Variants in CRACR2A observed in about 807,000 individuals in gnomAD.
CRACR2A encodes EF-hand calcium-binding domain-containing protein 4B.
A neutral mutation model predicts 90.5 loss-of-function variants in CRACR2A; 79 were observed. The observed-to-expected ratio is 0.87, with a 90% CI of 0.73 to 1.05. CRACR2A has a LOEUF of 1.05. Ranked by LOEUF, CRACR2A falls within the 50% of genes least tolerant of loss-of-function variation. CRACR2A has a pLI of 0.00. For synonymous variants in CRACR2A, 338 were observed against 356.7 expected (o/e 0.95, Z 0.59); for missense variants, 823 against 897.2 (o/e 0.92, Z 1.06).
intron 17 of CRACR2A, 140 bp downstream of exon 17, chr12:3,627,296 T>C (rs1397425666): frequency 6.1e-6 from 4 of 655,830 alleles, no homozygotes; most frequent in South Asian, 3.8e-5. Flanking sequence ...GAGGAACACA[T>C]GCCTGCATCA....
At chr12:3,728,198 C>A (rs1480752808) in intron 2 of CRACR2A, 1 of 152,198 alleles carries the variant, frequency 6.6e-6, no homozygotes, top group East Asian at 1.9e-4. Context: ...GGCAACGGAT[C>A]CCCAGAAGTC....
intron 2 of CRACR2A, among the ~76,000 whole-genome samples, chr12:3,717,049 C>T (rs1430108588): frequency 6.6e-6 from 1 of 152,078 alleles, no homozygotes; most frequent in Non-Finnish European, 1.5e-5. Flanking sequence ...GGGGAGAGGA[C>T]AGGAGCTGAC....
intron 4 of CRACR2A, among the ~76,000 whole-genome samples, chr12:3,685,719 G>C (rs373089861): frequency 6.6e-6 from 1 of 152,182 alleles, no homozygotes; most frequent in Admixed American, 6.5e-5. Context: ...TGGTTGCCAG[G>C]GGCTGGGAGT....
intron 4 of CRACR2A, among the ~76,000 whole-genome samples, chr12:3,694,926 G>A (rs1945713314): frequency 6.6e-6 from 1 of 152,206 alleles, no homozygotes. Flanking sequence ...CTCCTGCCTG[G>A]ATCAGGAGTG....
chr12:3,678,656 T>G (rs1945381945), intron 6 of CRACR2A, among the ~76,000 whole-genome samples: 1 of 149,128 alleles, frequency 6.7e-6, no homozygotes, highest in African/African-American at 2.5e-5. Flanking sequence ...GTGAGGAAGG[T>G]AGAGGGGGTG....
intron 2 of CRACR2A, chr12:3,732,700 G>C (rs1299300932): frequency 6.6e-6 from 1 of 152,226 alleles, no homozygotes; most frequent in Non-Finnish European, 1.5e-5. Flanking sequence ...CCTGTGGGAT[G>C]TTGAGCCTAT....
intron 7 of CRACR2A, among the ~76,000 whole-genome samples, chr12:3,665,148 T>C (rs1945107650): frequency 6.6e-6 from 1 of 152,054 alleles, no homozygotes; most frequent in Admixed American, 6.5e-5. Flanking sequence ...GAAAGAAGAG[T>C]GAGGGCAAGA....
intron 3 of CRACR2A, among the ~76,000 whole-genome samples, chr12:3,705,026 A>T (rs1161121800): frequency 7.2e-5 from 11 of 152,218 alleles, no homozygotes; most frequent in Non-Finnish European, 1.3e-4. Context: ...TCCCATTTGG[A>T]TGAAGCCCAA....
Position 3,711,833 on chromosome 12 carries a change from G to A in CRACR2A, c.-37+1404C>T, listed in dbSNP as rs1946010016. ...GTATTAGTTAGAGTTTAACATACAA[G>A]ATGCTATACTGAGGTGGAATAAAAG... On this transcript the variant is annotated intron_variant, in intron 3 of 19. Coordinates refer to ENST00000440314, the MANE Select transcript of CRACR2A (RefSeq NM_001144958.2). The surrounding 1 kb of genome is among the most constrained non-coding windows in gnomAD (Gnocchi z 4.3). Among the ~76,000 whole-genome samples the A allele has an allele frequency of 6.6e-6, 1 of 152,134 alleles. No homozygotes were observed. The highest frequency in any genetic ancestry group is 2.4e-5 in the African/African-American group (1 of 41,416).
intron 10 of CRACR2A, among the ~76,000 whole-genome samples, chr12:3,652,956 G>A (rs1054921402): frequency 1.3e-5 from 2 of 152,026 alleles, no homozygotes; most frequent in Non-Finnish European, 2.9e-5. Flanking sequence ...TTTCCTCCTC[G>A]ATAATAGCAG....
intron 10 of CRACR2A, among the ~76,000 whole-genome samples, chr12:3,652,846 A>G (rs1289113637): frequency 6.6e-6 from 1 of 152,232 alleles, no homozygotes; most frequent in Non-Finnish European, 1.5e-5. Flanking sequence ...CAACTCTTGT[A>G]AGAATATTTT....
At chr12:3,667,987 C>A (rs1267725475) in intron 7 of CRACR2A, among the ~76,000 whole-genome samples, 1 of 152,232 alleles carries the variant, frequency 6.6e-6, no homozygotes, top group Non-Finnish European at 1.5e-5. Context: ...TTAGATTCTG[C>A]TGCCTGTATA....
At chr12:3,701,502 A>G (rs893402847) in intron 3 of CRACR2A, among the ~76,000 whole-genome samples, 3 of 152,216 alleles carry the variant, frequency 2.0e-5, no homozygotes, top group African/African-American at 4.8e-5. Flanking sequence ...CAGATACTAT[A>G]GACATTAAAA....
At chr12:3,628,374 G>T (rs1476546414) in intron 15 of CRACR2A, among the ~76,000 whole-genome samples, 2 of 152,150 alleles carry the variant, frequency 1.3e-5, no homozygotes, top group East Asian at 3.9e-4. Context: ...GGAATAGGAG[G>T]AGGAGGGTAG....
At chr12:3,675,142 G>A (rs1331258520) in intron 6 of CRACR2A, among the ~76,000 whole-genome samples, 1 of 152,080 alleles carries the variant, frequency 6.6e-6, no homozygotes, top group South Asian at 2.1e-4. Flanking sequence ...ACAGATTCCT[G>A]TTGGCTCCCC....
intron 1 of CRACR2A, among the ~76,000 whole-genome samples, chr12:3,747,666 G>A (rs1946646501): frequency 6.6e-6 from 1 of 152,204 alleles, no homozygotes; most frequent in Non-Finnish European, 1.5e-5. Flanking sequence ...GGTCATGGTA[G>A]CCAACCTCCC....
chr12:3,678,827 T>G, intron 6 of CRACR2A, 88 bp downstream of exon 6: 13 of 1,406,792 alleles, frequency 9.2e-6, no homozygotes, highest in Non-Finnish European at 1.3e-5. Flanking sequence ...CAGCACCACA[T>G]GGTTAACAAA....
At position 3,714,942 on chromosome 12, in the gene CRACR2A, A is replaced by G. The variant is rs147399287; in HGVS notation, c.-117-1625T>C. ...CCTCAGGTCCCTGACTTCTAGGCCA[A>G]TGTATTTTCCATTATTCCACTGCCC... On this transcript the variant is annotated intron_variant, in intron 2 of 19. Coordinates refer to ENST00000440314, the MANE Select transcript of CRACR2A (RefSeq NM_001144958.2). Among the ~76,000 whole-genome samples the G allele has an allele frequency of 2.3e-4, 35 of 152,340 alleles. No homozygotes were observed. In the East Asian group the frequency reaches 5.6e-3, roughly 24 times the overall value.
At chr12:3,659,705 C>T (rs374947619) in intron 7 of CRACR2A, 51 bp from the exon 8 acceptor site, 230 of 1,461,448 alleles carry the variant, frequency 1.6e-4, no homozygotes, top group East Asian at 1.5e-3. Context: ...TACTCCACAG[C>T]GGTAGCTCCT....
Sources: gnomAD v4.1 joint callset for allele counts (sites outside exome capture counted in the v4.1 genomes callset) on GRCh38, gnomAD v4.1.1 for gene constraint, Gnocchi (gnomAD v3.1) non-coding constraint, MANE v1.5 for transcripts, NCBI Gene and HGNC (gene_info 2026-07-23, HGNC 2026-07-21) for gene names.